The following ARHGEF6 variants were observed in gnomAD, a reference collection of about 807,000 sequenced individuals.
ARHGEF6 encodes the protein rho guanine nucleotide exchange factor 6.
Under a neutral mutation model 70.3 loss-of-function variants are expected in ARHGEF6, and 9 were observed. That is an observed-to-expected ratio of 0.13 (90% confidence interval 0.08 to 0.22). The LOEUF is 0.22. Among genes scored for constraint, ARHGEF6 ranks in the 10% least tolerant of loss-of-function variants. ARHGEF6 has a pLI of 1.00. For missense variants in ARHGEF6, 470 were observed against 563.0 expected (o/e 0.83, Z 1.67); for synonymous variants, 201 against 207.8 (o/e 0.97, Z 0.28).
chrX:136,732,317 G>A lies in ARHGEF6; in HGVS notation c.662-145C>T. ...TTCCTAAACAAATGAAACTACAACT[G>A]TGCTAAACTATAGATGGTCAAAGTT... is the stretch of plus-strand genomic sequence containing the variant. On this transcript the variant is annotated intron_variant, in intron 5 of 21. Coordinates refer to ENST00000250617, the MANE Select transcript of ARHGEF6 (RefSeq NM_004840.3). 3 of 504,928 alleles carry A rather than the reference G, an allele frequency of 5.9e-6. No homozygotes were observed. In the South Asian group the frequency reaches 9.4e-5, roughly 16 times the overall value. The allele number at this position is 504,928 out of a possible 1,213,427, so 41.6% of individuals were successfully genotyped here.
intron 2 of ARHGEF6, chrX:136,767,416 G>C: frequency 1.3e-6 from 1 of 755,221 alleles, no homozygotes; most frequent in South Asian, 6.7e-5. Context: ...GGCGAGGAGG[G>C]GGCGCCCGTC....
chrX:136,681,943 A>C lies in ARHGEF6; in HGVS notation c.1505T>G (p.Val502Gly). The change falls in exon 14 of 22, where the codon GTG becomes GGG. Residue 502 changes from valine (V) to glycine (G), a missense_variant. By Grantham distance (109) the Val-to-Gly change is moderately radical. Transcript: ENST00000250617. ...TTCAATTTCATCTAATCTAGTCACC[A>C]CCGTTCCTGCTATTGGTATTTTTCC... ...YQGKIPIAGT[V>G]VTRLDEIEGN... is the part of the protein sequence containing the mutation. The C allele has an allele frequency of 8.3e-7, 1 of 1,206,343 alleles. No individual in the cohort carries two copies. The highest frequency in any genetic ancestry group is 1.1e-6 in the Non-Finnish European group (1 of 890,723).
chrX:136,747,562 C>T lies in ARHGEF6; in HGVS notation c.280G>A (p.Val94Ile). ...IFDPDDLYSG[V>I]NFSKVLSTLL... ...GTACTCAGTACCTTGGAGAAATTGA[C>T]CCCTGAATAAAGGTCATCAGGATCA... The change falls in exon 3 of 22, where the codon GTC (valine) becomes ATC (isoleucine). Residue 94 changes from valine (V) to isoleucine (I), a missense_variant. Coordinates refer to ENST00000250617, the MANE Select transcript of ARHGEF6 (RefSeq NM_004840.3). 1 of 1,206,739 alleles carries T rather than the reference C, an allele frequency of 8.3e-7. No homozygotes were observed. Among genetic ancestry groups the T allele is most frequent in the Non-Finnish European group, 1.1e-6 (1 of 892,414 alleles).
intron 3 of ARHGEF6, among the ~76,000 whole-genome samples, chrX:136,745,620 C>T: frequency 8.9e-6 from 1 of 111,955 alleles, no homozygotes; most frequent in East Asian, 2.8e-4. Flanking sequence ...ACTCTTCCCT[C>T]CTGAACCAGT....
rs1460660551 is a variant in ARHGEF6, at chrX:136,685,742, C to A, written c.1327G>T (p.Asp443Tyr). Residue 443 changes from aspartate to tyrosine, a missense_variant, in exon 12 of 22, where the codon GAT becomes TAT. This residue lies in a region of ARHGEF6 where 379 missense variants were observed against 449.3 expected (regional missense o/e 0.84). Transcript: ENST00000250617. ...SEPIQAWEGE[D>Y]IKNLGNVIFM... Reference sequence around the variant, plus strand: ...ATCACATTTCCCAAGTTTTTAATATCTTCTCCTTCCCATGCCTGAATAGGT... The same window carrying A: ...ATCACATTTCCCAAGTTTTTAATATATTCTCCTTCCCATGCCTGAATAGGT... The A allele has an allele frequency of 4.1e-6, 5 of 1,208,899 alleles. No individual in the cohort carries two copies. In the South Asian group the frequency reaches 8.8e-5, roughly 21 times the overall value.
intron 3 of ARHGEF6, among the ~76,000 whole-genome samples, chrX:136,746,535 G>A (rs1482480863): frequency 1.8e-5 from 2 of 111,673 alleles, no homozygotes; most frequent in South Asian, 3.7e-4. Context: ...ATTGTTTCAC[G>A]TGGGTAAGTT....
intron 2 of ARHGEF6, among the ~76,000 whole-genome samples, chrX:136,758,840 C>G (rs1047678264): frequency 2.7e-5 from 3 of 111,564 alleles, no homozygotes; most frequent in African/African-American, 9.8e-5. Flanking sequence ...TTCAAATACC[C>G]ATTCATTATC....
At chrX:136,765,689 TAAAC>T (rs753181774) in intron 2 of ARHGEF6, among the ~76,000 whole-genome samples, 2 of 112,496 alleles carry the variant, frequency 1.8e-5, no homozygotes, top group South Asian at 7.3e-4. Flanking sequence ...TTAGTAAAAA[TAAAC>T]GAACAAAGAA....
chrX:136,717,533 G>C (rs1020508717), intron 6 of ARHGEF6, among the ~76,000 whole-genome samples: 6 of 111,605 alleles, frequency 5.4e-5, no homozygotes, highest in African/African-American at 2.0e-4. Flanking sequence ...AAGAAGGAAA[G>C]AATATTAGAG....
chrX:136,767,230 C>T (rs949467576), intron 2 of ARHGEF6: 1 of 755,319 alleles, frequency 1.3e-6, no homozygotes, highest in Non-Finnish European at 1.6e-6. Flanking sequence ...TTCGCCCTCC[C>T]GAGTCACGGG....
chrX:136,671,224 G>A (rs1162245575), intron 20 of ARHGEF6, among the ~76,000 whole-genome samples: 1 of 112,066 alleles, frequency 8.9e-6, no homozygotes, highest in African/African-American at 3.2e-5. Context: ...AGGTCACACA[G>A]CTAATGAGTA....
At chrX:136,694,788 C>G (rs1202440489) in intron 9 of ARHGEF6, among the ~76,000 whole-genome samples, 1 of 111,910 alleles carries the variant, frequency 8.9e-6, no homozygotes, top group Non-Finnish European at 1.9e-5. Flanking sequence ...TCCCGAAATA[C>G]CTCACCCAGG....
At chrX:136,701,147 A>T (rs2076567253) in intron 9 of ARHGEF6, among the ~76,000 whole-genome samples, 1 of 111,940 alleles carries the variant, frequency 8.9e-6, no homozygotes, top group Non-Finnish European at 1.9e-5. Flanking sequence ...AAGGTGTAAC[A>T]TGCATAATGG....
At chrX:136,680,264 C>G (rs1251677271) in intron 15 of ARHGEF6, among the ~76,000 whole-genome samples, 1 of 112,559 alleles carries the variant, frequency 8.9e-6, no homozygotes. Context: ...TTTGTGATAA[C>G]TCAGAAGGAG....
In ARHGEF6 at chrX:136,667,988, G is replaced by T. The variant is rs778426487; in HGVS notation, c.*41C>A. ...CAAATCATTCAGCGGGACATTTCAA[G>T]ATGCCCTGAAGGCACACTCCACCCA... On this transcript the variant is annotated 3_prime_UTR_variant, in exon 22 of 22. Coordinates refer to ENST00000250617, the MANE Select transcript of ARHGEF6 (RefSeq NM_004840.3). 3 of 1,207,945 alleles carry T rather than the reference G, an allele frequency of 2.5e-6. No homozygotes were observed. In the South Asian group the frequency reaches 5.3e-5, roughly 21 times the overall value.
At chrX:136,712,267 C>T (rs1345754914) in intron 7 of ARHGEF6, among the ~76,000 whole-genome samples, 3 of 111,256 alleles carry the variant, frequency 2.7e-5, no homozygotes, top group Admixed American at 1.9e-4. Flanking sequence ...CACTACCACG[C>T]CCGGCTAATT....
At chrX:136,771,475 T>G (rs1203581090) in intron 2 of ARHGEF6, among the ~76,000 whole-genome samples, 1 of 112,484 alleles carries the variant, frequency 8.9e-6, no homozygotes, top group Non-Finnish European at 1.9e-5. Context: ...AATGGAGGAA[T>G]TGGCTAATGT....
chrX:136,687,530 T>C, intron 11 of ARHGEF6, among the ~76,000 whole-genome samples: 1 of 112,320 alleles, frequency 8.9e-6, no homozygotes, highest in Non-Finnish European at 1.9e-5. Context: ...TTCTTCTTCA[T>C]ATGCAAAGAA....
chrX:136,780,641 T>C (rs2148693208), intron 1 of ARHGEF6, 77 bp downstream of exon 1: 2 of 954,232 alleles, frequency 2.1e-6, no homozygotes, highest in African/African-American at 1.9e-5. Flanking sequence ...GCCTGGGAAA[T>C]AGAAAAATCT....
Sources: gnomAD v4.1 joint callset for allele counts (sites outside exome capture counted in the v4.1 genomes callset) on GRCh38, gnomAD v4.1.1 for gene constraint, gnomAD v4.1.1 regional missense constraint, MANE v1.5 for transcripts, NCBI Gene and HGNC (gene_info 2026-07-23, HGNC 2026-07-21) for gene names.